PPP1R12B: variants seen among roughly 807,000 people sequenced by gnomAD.
The protein encoded by PPP1R12B is myosin phosphatase target subunit 2.
In PPP1R12B, 76 loss-of-function variants were observed where a neutral mutation model predicts 126.1. The ratio of observed to expected loss-of-function variants is 0.60; its 90% CI spans 0.50 to 0.73. The LOEUF is 0.73. Among genes scored for constraint, PPP1R12B ranks in the 30% least tolerant of loss-of-function variants. The probability of loss-of-function intolerance (pLI) is 0.00; values close to 1 mark genes in which losing one functional copy is unlikely to be tolerated. For missense variants in PPP1R12B, 1,052 were observed against 1,205.1 expected, an observed-to-expected ratio of 0.87 and a Z score of 1.88; for synonymous variants, 356 against 434.7, an observed-to-expected ratio of 0.82 and a Z score of 2.25.
chr1:202,550,624 G>A (rs1454400866), intron 18 of PPP1R12B, among the ~76,000 whole-genome samples: 1 of 152,034 alleles, frequency 6.6e-6, no homozygotes, highest in Non-Finnish European at 1.5e-5. Flanking sequence ...ACACATCTGT[G>A]TGAACCTAAA....
intron 8 of PPP1R12B, among the ~76,000 whole-genome samples, chr1:202,432,166 C>T (rs1362849945): frequency 6.6e-6 from 1 of 152,070 alleles, no homozygotes; most frequent in Non-Finnish European, 1.5e-5. Flanking sequence ...TAAACAGAAT[C>T]CTAAAATCTT....
intron 23 of PPP1R12B, among the ~76,000 whole-genome samples, chr1:202,578,682 G>A (rs975899818): frequency 1.3e-5 from 2 of 152,208 alleles, no homozygotes; most frequent in African/African-American, 4.8e-5. Flanking sequence ...GGAACACTCA[G>A]TATCGCAAAG....
At chr1:202,538,780 C>G (rs1014447067) in intron 18 of PPP1R12B, among the ~76,000 whole-genome samples, 11 of 152,228 alleles carry the variant, frequency 7.2e-5, no homozygotes, top group Admixed American at 7.2e-4. Flanking sequence ...TCCTTCAACA[C>G]TATGCAAATA....
chr1:202,431,490 A>T lies in PPP1R12B; in HGVS notation c.1012A>T (p.Met338Leu). 6.3e-7 allele frequency: 1 copy of T among 1,596,126 alleles called. No homozygotes were observed. The highest frequency in any genetic ancestry group is 8.5e-7 in the Non-Finnish European group (1 of 1,174,896). Residue 338 changes from methionine to leucine, a missense_variant, in exon 8 of 24, where the codon ATG becomes TTG. By Grantham distance (15) the Met-to-Leu change is conservative. Coordinates refer to ENST00000608999, the MANE Select transcript of PPP1R12B (RefSeq NM_002481.4). ...QSGFFKNKEK[M>L]LYEEETPKSQ... ...TCATCTTTAATTTAGCAAAGAGAAG[A>T]TGCTCTATGAGGAGGAGACACCTAA... is the stretch of plus-strand genomic sequence containing the variant.
intron 13 of PPP1R12B, among the ~76,000 whole-genome samples, chr1:202,476,665 G>A (rs1445069637): frequency 3.3e-5 from 5 of 151,012 alleles, no homozygotes; most frequent in Non-Finnish European, 5.9e-5. Flanking sequence ...CCTGGGAGAC[G>A]GAGCAAGACT....
intron 1 of PPP1R12B, among the ~76,000 whole-genome samples, chr1:202,375,367 T>TTTTGTTGTTCCCGTTTTGA (rs1284275182): frequency 6.6e-6 from 1 of 152,244 alleles, no homozygotes; most frequent in Non-Finnish European, 1.5e-5. Context: ...CGTTTTTGAA[T>TTTTGTTGTTCCCGTTTTGA]TCTATGCTTC....
chr1:202,548,348 ATGTTTTGTTT>A lies in PPP1R12B; in HGVS notation c.2491-10512_2491-10503del, dbSNP rs201822057. 1.0e-3 allele frequency among the ~76,000 whole-genome samples: 156 copies of A among 152,204 alleles called. No individual in the cohort carries two copies. In the East Asian group the frequency reaches 0.023, roughly 23 times the overall value. On this transcript the variant is annotated intron_variant, in intron 18 of 23. Coordinates refer to ENST00000608999, the MANE Select transcript of PPP1R12B (RefSeq NM_002481.4). ...AAACCTAGATTAGTAAAAAGTCAGA[ATGTTTTGTTT>A]TGTTTTGTTTTGTTTTTTTTGAGAC...
At chr1:202,382,503 GAAAC>G (rs1662489443) in intron 1 of PPP1R12B, among the ~76,000 whole-genome samples, 3 of 141,740 alleles carry the variant, frequency 2.1e-5, no homozygotes, top group East Asian at 2.1e-4. Context: ...AAAAAAAAAA[GAAAC>G]AAATCTCCAA....
chr1:202,448,683 C>T, intron 12 of PPP1R12B: 1 of 295,642 alleles, frequency 3.4e-6, no homozygotes, highest in Non-Finnish European at 6.5e-6. Flanking sequence ...TCATTTAAAA[C>T]ACTCTTGCAT....
At position 202,562,941 on chromosome 1, in the gene PPP1R12B, T is replaced by G; in HGVS notation, c.2652+19T>G. On this transcript the variant is annotated intron_variant, in intron 20 of 23. Coordinates refer to ENST00000608999, the MANE Select transcript of PPP1R12B (RefSeq NM_002481.4). ...TAAAAAAGTAGGGTCTTTATTCAAT[T>G]TTCCGGTTCTTTGGTGACATGTAAA... 3 of 1,537,742 alleles carry G rather than the reference T, an allele frequency of 2.0e-6. No individual in the cohort carries two copies. Among genetic ancestry groups the G allele is most frequent in the Non-Finnish European group, 2.6e-6 (3 of 1,145,430 alleles).
At chr1:202,543,857 T>C (rs562844075) in intron 18 of PPP1R12B, among the ~76,000 whole-genome samples, 1 of 152,362 alleles carries the variant, frequency 6.6e-6, no homozygotes, top group African/African-American at 2.4e-5. Context: ...AGTGGTATGC[T>C]CCTAATATTG....
At chr1:202,391,041 T>A (rs1664069690) in intron 1 of PPP1R12B, among the ~76,000 whole-genome samples, 1 of 152,006 alleles carries the variant, frequency 6.6e-6, no homozygotes, top group African/African-American at 2.4e-5. Flanking sequence ...GCAGGCTGGG[T>A]AACAGAGTAA....
chr1:202,362,001 A>G (rs1658296594), intron 1 of PPP1R12B, among the ~76,000 whole-genome samples: 1 of 151,724 alleles, frequency 6.6e-6, no homozygotes, highest in Non-Finnish European at 1.5e-5. Flanking sequence ...TGAATTTCAC[A>G]GTGGGATGTA....
At position 202,488,031 on chromosome 1, in the gene PPP1R12B, T is replaced by G. The variant is rs1171521292; in HGVS notation, c.1851-502T>G. 2.0e-5 allele frequency among the ~76,000 whole-genome samples: 3 copies of G among 152,234 alleles called. No individual in the cohort carries two copies. In the East Asian group the frequency reaches 5.8e-4, roughly 29 times the overall value. On this transcript the variant is annotated intron_variant, in intron 13 of 23. Coordinates refer to ENST00000608999, the MANE Select transcript of PPP1R12B (RefSeq NM_002481.4). ...TTTATAATTAGGCACAGTAAGAGATTAACAATAATACTAATAACTAATAAT... is the reference window on the plus strand; with the variant it reads ...TTTATAATTAGGCACAGTAAGAGATGAACAATAATACTAATAACTAATAAT...
At chr1:202,422,293 G>T (rs1473491069) in intron 2 of PPP1R12B, among the ~76,000 whole-genome samples, 31 of 152,192 alleles carry the variant, frequency 2.0e-4, no homozygotes, top group Non-Finnish European at 4.0e-4. Context: ...AAGCTCCAGT[G>T]TGGCACTGGG....
At chr1:202,549,643 C>T (rs146731779) in intron 18 of PPP1R12B, among the ~76,000 whole-genome samples, 1,549 of 152,156 alleles carry the variant, frequency 0.01, 24 homozygotes, top group African/African-American at 0.034. Flanking sequence ...TGGTCTCAAT[C>T]TCCTGACTTC....
At position 202,428,126 on chromosome 1, in the gene PPP1R12B, T is replaced by G. The variant is rs189846409; in HGVS notation, c.847-729T>G. 3.3e-5 allele frequency among the ~76,000 whole-genome samples: 5 copies of G among 152,236 alleles called. No homozygotes were observed. In the East Asian group the frequency reaches 9.6e-4, roughly 29 times the overall value. On this transcript the variant is annotated intron_variant, in intron 5 of 23. Coordinates refer to ENST00000608999, the MANE Select transcript of PPP1R12B (RefSeq NM_002481.4). ...GTTTCTCGTTATGTGTCCTCTGTGA[T>G]AGATGAAGGTATTATCATAATGTAT...
At chr1:202,430,587 T>C in intron 6 of PPP1R12B, 144 bp from the exon 7 acceptor site, 1 of 711,236 alleles carries the variant, frequency 1.4e-6, no homozygotes, top group Non-Finnish European at 2.2e-6. Context: ...CTGATATGTT[T>C]CTCTTTTTCT....
intron 13 of PPP1R12B, 134 bp from the exon 14 acceptor site, chr1:202,488,399 T>A (rs886299543): frequency 6.6e-5 from 42 of 640,982 alleles, no homozygotes; most frequent in Non-Finnish European, 8.1e-5. Flanking sequence ...GTTGATAGCA[T>A]TTCTGTCATT....
Sources: gnomAD v4.1 joint callset for allele counts (sites outside exome capture counted in the v4.1 genomes callset) on GRCh38, gnomAD v4.1.1 for gene constraint, MANE v1.5 for transcripts, NCBI Gene and HGNC (gene_info 2026-07-23, HGNC 2026-07-21) for gene names.